Variants in TMEM214 observed in about 807,000 individuals in gnomAD.
TMEM214 encodes the protein transmembrane protein 214.
A neutral mutation model predicts 89.8 loss-of-function variants in TMEM214; 71 were observed. The observed-to-expected ratio is 0.79, with a 90% confidence interval of 0.65 to 0.96. TMEM214 has a LOEUF of 0.96. TMEM214 is among the 40% of genes least tolerant of loss of function. The pLI is 0.00. For synonymous variants in TMEM214, 332 were observed against 349.5 expected, an observed-to-expected ratio of 0.95 and a Z score of 0.56; for missense variants, 754 against 843.4, an observed-to-expected ratio of 0.89 and a Z score of 1.31.
chr2:27,034,601 CTTTTTT>C (rs67511175), intron 2 of TMEM214: 24 of 161,940 alleles, frequency 1.5e-4, no homozygotes, highest in African/African-American at 2.7e-4. Context: ...CTGTTTTCCT[CTTTTTT>C]TTTTTTTTTT....
In TMEM214 at chr2:27,033,048, G is replaced by A; in HGVS notation, c.33G>A (p.Trp11Ter). The A allele has an allele frequency of 8.0e-7, 1 of 1,247,454 alleles. No homozygotes were observed. The highest frequency in any genetic ancestry group is 1.0e-6 in the Non-Finnish European group (1 of 987,976). The allele number at this position is 1,247,454 out of a possible 1,614,324, so 77.3% of individuals were successfully genotyped here. The change falls in exon 1 of 17, where the codon TGG becomes TGA. Residue 11 changes from tryptophan to a stop codon, truncating the protein, a stop_gained. Transcript: ENST00000238788. LOFTEE classifies it high-confidence loss of function. MATKTAGVGR[W>*]EVVKKGRRPG... ...CCAAGACGGCGGGCGTGGGGCGGTG[G>A]GAGGTAGTGAAGAAGGGTCGGCGGC... is the stretch of plus-strand genomic sequence containing the variant.
chr2:27,036,504 G>T lies in TMEM214; in HGVS notation c.738G>T (p.Arg246Ser). ...ANLGKFLELL[R>S]SHQSRPAKCL... ...CTCCTCAGTTCCTGGAACTGCTGAG[G>T]TCCCACCAGAGCCGACCAGCAAAGT... The change falls in exon 6 of 17, where the codon AGG becomes AGT. Residue 246 changes from arginine to serine, a missense_variant. By Grantham distance (110) the Arg-to-Ser change is moderately radical (BLOSUM62 -1). Coordinates refer to ENST00000238788, the MANE Select transcript of TMEM214 (RefSeq NM_017727.5). 1 of 1,614,102 alleles carries T rather than the reference G, an allele frequency of 6.2e-7. No individual in the cohort carries two copies. Among genetic ancestry groups the T allele is most frequent in the South Asian group, 1.1e-5 (1 of 91,082 alleles).
In TMEM214 at chr2:27,033,963, C is replaced by T; in HGVS notation, c.152-104C>T. The T allele has an allele frequency of 5.5e-6, 7 of 1,278,722 alleles. No homozygotes were observed. In the South Asian group the frequency reaches 9.4e-5, roughly 17 times the overall value. 79.2% of individuals were successfully genotyped at this position (1,278,722 alleles called of 1,614,324 possible). On this transcript the variant is annotated intron_variant, in intron 1 of 16. Coordinates refer to ENST00000238788, the MANE Select transcript of TMEM214 (RefSeq NM_017727.5). ...GGAAGGGGCTTTGAGACAGGCTCTT[C>T]CCTGGAGATGAATTAGGTGGCAGTG...
chr2:27,039,978 A>C, intron 14 of TMEM214, 52 bp from the exon 15 acceptor site: 4 of 1,593,574 alleles, frequency 2.5e-6, no homozygotes, highest in Non-Finnish European at 3.4e-6. Context: ...TTGGGAGCTA[A>C]GTGGGCCTGA....
In TMEM214 at chr2:27,040,467, G is replaced by A; in HGVS notation, c.1914G>A (p.Trp638Ter). 1.2e-6 allele frequency: 2 copies of A among 1,614,026 alleles called. No individual in the cohort carries two copies. Among genetic ancestry groups the A allele is most frequent in the Non-Finnish European group, 1.7e-6 (2 of 1,180,024 alleles). Residue 638 changes from tryptophan to a stop codon, truncating the protein, a stop_gained, in exon 16 of 17, where the codon TGG becomes TGA. Coordinates refer to ENST00000238788, the MANE Select transcript of TMEM214 (RefSeq NM_017727.5). LOFTEE classifies it high-confidence loss of function. ...LWHLLLEALAWAQEHCHEACR... is the reference protein window; with the variant it reads ...LWHLLLEALA The stretch of plus-strand genomic sequence containing the variant: ...ACCTCTTGCTTGAGGCCCTGGCCTG[G>A]GCCCAGGAGCACTGCCATGAGGCAT...
chr2:27,034,489 G>A, intron 2 of TMEM214: 1 of 558,744 alleles, frequency 1.8e-6, no homozygotes, highest in Non-Finnish European at 3.1e-6. Flanking sequence ...ATTGGTAAGA[G>A]GAAAGCCTTG....
At chr2:27,033,515 T>G (rs547691317) in intron 1 of TMEM214, among the ~76,000 whole-genome samples, 24 of 152,212 alleles carry the variant, frequency 1.6e-4, no homozygotes, top group African/African-American at 5.8e-4. Flanking sequence ...AGAGGTACTG[T>G]GGATCATTAT....
Position 27,039,232 on chromosome 2 carries a change from C to T in TMEM214, c.1525+68C>T, listed in dbSNP as rs114516771. 6.7e-4 allele frequency: 887 copies of T among 1,316,520 alleles called. 4 individuals carry two copies. The African/African-American group carries it at 0.012, about 18-fold the overall frequency. The allele number at this position is 1,316,520 out of a possible 1,614,324, so 81.6% of individuals were successfully genotyped here. A position where few individuals can be genotyped will look rare whatever the true frequency, so the allele number is the denominator to read the frequency against. On this transcript the variant is annotated intron_variant, in intron 13 of 16. Transcript: ENST00000238788. ...CACAGAGCTACACGTAGCACCACCA[C>T]CCCGCCCCCAGCAGCACACATCTTT...
At position 27,040,339 on chromosome 2, in the gene TMEM214, G is replaced by A. The variant is rs747646199; in HGVS notation, c.1792-6G>A. ...ACTCTGACCCCATCCATTCTCCATGGTCCAGCTACAGATCCAGCTCCCCGA... is the reference window on the plus strand; with the variant it reads ...ACTCTGACCCCATCCATTCTCCATGATCCAGCTACAGATCCAGCTCCCCGA... On this transcript the variant is annotated splice_polypyrimidine_tract_variant and splice_region_variant and intron_variant, in intron 15 of 16. Coordinates refer to ENST00000238788, the MANE Select transcript of TMEM214 (RefSeq NM_017727.5). 2 of 1,613,952 alleles carry A rather than the reference G, an allele frequency of 1.2e-6. No individual in the cohort carries two copies. Among genetic ancestry groups the A allele is most frequent in the Non-Finnish European group, 1.7e-6 (2 of 1,180,014 alleles).
At position 27,035,630 on chromosome 2, in the gene TMEM214, GGATCATCCGAGGGCT is replaced by G. The variant is rs1476565292; in HGVS notation, c.541_555del (p.Ile181_Leu185del). 6.2e-7 allele frequency: 1 copy of G among 1,614,170 alleles called. No individual in the cohort carries two copies. Among genetic ancestry groups the G allele is most frequent in the Admixed American group, 1.7e-5 (1 of 60,018 alleles). On this transcript the variant is annotated inframe_deletion, in exon 4 of 17. Transcript: ENST00000238788. ...AGCCTGGTGAGCCGGGAGCTACGTG[GGATCATCCGAGGGCT>G]GCTGGCGAAGGCAGCAGGGTCTCTG...
intron 16 of TMEM214, 88 bp from the exon 17 acceptor site, chr2:27,040,623 G>A (rs1481519698): frequency 1.1e-5 from 17 of 1,589,456 alleles, no homozygotes; most frequent in Non-Finnish European, 1.5e-5. Context: ...GCCACCCTGG[G>A]ATGAGGGTTG....
At chr2:27,040,271 T>C (rs1667775450) in intron 15 of TMEM214, 73 bp downstream of exon 15, 3 of 1,608,234 alleles carry the variant, frequency 1.9e-6, no homozygotes, top group Admixed American at 1.7e-5. Flanking sequence ...GGAGCAGCAC[T>C]GTGTGGCCTG....
At chr2:27,033,781 C>T (rs906826145) in intron 1 of TMEM214, among the ~76,000 whole-genome samples, 46 of 152,126 alleles carry the variant, frequency 3.0e-4, no homozygotes, top group African/African-American at 4.8e-5. Context: ...CTGAATAAGG[C>T]AAACCTCTAT....
In TMEM214 at chr2:27,036,700, T is replaced by G; in HGVS notation, c.827-5T>G. The G allele has an allele frequency of 6.2e-7, 1 of 1,614,148 alleles. No homozygotes were observed. ...AGGCCTCCCTCGTGACTTTTACCCC[T>G]GCAGTGTGGCTGGGGATCATGCTGC... On this transcript the variant is annotated splice_polypyrimidine_tract_variant and splice_region_variant and intron_variant, in intron 6 of 16. Transcript: ENST00000238788.
Position 27,038,840 on chromosome 2 carries a change from C to A in TMEM214, c.1407+25C>A. ...GGTGCTGGCACCCGGTCCTCTCCAG[C>A]CCACACGCTATCTTACATCTCTGTC... On this transcript the variant is annotated intron_variant, in intron 12 of 16. Transcript: ENST00000238788. The surrounding 1 kb of genome is among the most constrained non-coding windows in gnomAD (Gnocchi z 4.4). 6.3e-7 allele frequency: 1 copy of A among 1,590,098 alleles called. No homozygotes were observed. Among genetic ancestry groups the A allele is most frequent in the South Asian group, 1.1e-5 (1 of 90,232 alleles).
intron 7 of TMEM214, 108 bp downstream of exon 7, chr2:27,036,894 G>T: frequency 8.0e-7 from 1 of 1,255,666 alleles, no homozygotes; most frequent in South Asian, 1.2e-5. Context: ...GGAAAATCAG[G>T]ACCAGCTTCT....
Position 27,036,039 on chromosome 2 carries a change from C to T in TMEM214, c.707C>T (p.Ala236Val). Reference sequence around the variant, plus strand: ...CAAGACAAGCCCAAGATTGCCACGGCAAACCTAGGCAAGGTGAGCTCTCAG... The same window carrying T: ...CAAGACAAGCCCAAGATTGCCACGGTAAACCTAGGCAAGGTGAGCTCTCAG... The part of the protein sequence containing the change: ...ILQDKPKIAT[A>V]NLGKFLELLR... Residue 236 changes from alanine (A) to valine (V), a missense_variant, in exon 5 of 17, where the codon GCA (alanine) becomes GTA (valine). Transcript: ENST00000238788. The T allele has an allele frequency of 1.2e-6, 2 of 1,614,146 alleles. No individual in the cohort carries two copies. The highest frequency in any genetic ancestry group is 1.7e-6 in the Non-Finnish European group (2 of 1,180,022).
chr2:27,037,032 G>A (rs780407660), intron 7 of TMEM214, 45 bp from the exon 8 acceptor site: 1 of 1,554,194 alleles, frequency 6.4e-7, no homozygotes. Flanking sequence ...AAAACAGCTG[G>A]CATGGGTGGT....
At position 27,033,002 on chromosome 2, in the gene TMEM214, G is replaced by C; in HGVS notation, c.-14G>C. ...AAAGCCGGGGAAGTGGCCGAGGAGG[G>C]AGGGCTGCGAGCCATGGCGACCAAG... On this transcript the variant is annotated 5_prime_UTR_variant, in exon 1 of 17. Coordinates refer to ENST00000238788, the MANE Select transcript of TMEM214 (RefSeq NM_017727.5). 2 of 1,246,022 alleles carry C rather than the reference G, an allele frequency of 1.6e-6. No individual in the cohort carries two copies. The highest frequency in any genetic ancestry group is 1.6e-5 in the African/African-American group (1 of 64,508). The allele number at this position is 1,246,022 out of a possible 1,614,324, so 77.2% of individuals were successfully genotyped here.
Sources: allele counts gnomAD v4.1 joint callset (sites outside exome capture counted in the v4.1 genomes callset), GRCh38; gene constraint gnomAD v4.1.1; non-coding constraint Gnocchi (gnomAD v3.1); transcripts MANE v1.5; gene names NCBI Gene and HGNC (gene_info 2026-07-23, HGNC 2026-07-21).